RBM44: variants seen among roughly 807,000 people sequenced by gnomAD.
The protein encoded by RBM44 is RNA binding motif protein 44.
A neutral mutation model predicts 105.1 loss-of-function variants in RBM44; 66 were observed. The ratio of observed to expected loss-of-function variants is 0.63; its 90% CI spans 0.52 to 0.77. The LOEUF (loss-of-function observed/expected upper bound fraction) is 0.77, where lower values mean the gene tolerates loss of function less well. RBM44 is among the 30% of genes least tolerant of loss of function. The pLI is 0.00. For missense variants in RBM44, 1,122 were observed against 1,207.8 expected, an observed-to-expected ratio of 0.93 and a Z score of 1.05; for synonymous variants, 365 against 417.6, an observed-to-expected ratio of 0.87 and a Z score of 1.54.
Position 237,841,815 on chromosome 2 carries a change from A to G in RBM44, c.*23-24A>G, listed in dbSNP as rs1241376407. ...AAAAGATACTCAACAATCATTGTTG[A>G]TTTCTCCTTTCTTTTGATTCTAGAA... On this transcript the variant is annotated intron_variant, in intron 15 of 15. Transcript: ENST00000316997. The surrounding 1 kb of genome is among the most constrained non-coding windows in gnomAD (Gnocchi z 4.5). 6.6e-6 allele frequency: 1 copy of G among 152,148 alleles called. No homozygotes were observed. The highest frequency in any genetic ancestry group is 1.9e-4 in the East Asian group (1 of 5,202). The allele number at this position is 152,148 out of a possible 1,614,324, so 9.4% of individuals were successfully genotyped here.
rs76788892 is a variant in RBM44 at position 237,804,467 on chromosome 2, A to G, written c.-19+5606A>G. Among the ~76,000 whole-genome samples, 387 of 152,288 alleles carry G rather than the reference A, an allele frequency of 2.5e-3. 7 individuals are homozygous for G. The East Asian group carries it at 0.051, about 20-fold the overall frequency. Reference sequence around the variant, plus strand: ...GCATCTGTTGTTTTTTGACTTCTTGATAATAGCCATTCTGGCTGGTGTGAG... The same window carrying G: ...GCATCTGTTGTTTTTTGACTTCTTGGTAATAGCCATTCTGGCTGGTGTGAG... On this transcript the variant is annotated intron_variant, in intron 1 of 15. Coordinates refer to ENST00000316997, the MANE Select transcript of RBM44 (RefSeq NM_001080504.3).
chr2:237,829,509 G>A lies in RBM44; in HGVS notation c.2886+7G>A. 1 of 1,601,002 alleles carries A rather than the reference G, an allele frequency of 6.2e-7. No homozygotes were observed. The highest frequency in any genetic ancestry group is 8.5e-7 in the Non-Finnish European group (1 of 1,174,832). The stretch of plus-strand genomic sequence containing the variant: ...GGTTTTCCCTTCCGACCAGGTTAGT[G>A]TTTTTGATAGATCCCTTAAATGGTC... On this transcript the variant is annotated splice_region_variant and intron_variant, in intron 13 of 15. Transcript: ENST00000316997.
intron 13 of RBM44, among the ~76,000 whole-genome samples, chr2:237,830,981 CAAG>C (rs925665513): frequency 1.2e-4 from 18 of 151,938 alleles, no homozygotes; most frequent in Admixed American, 7.9e-4. Context: ...TAGATCAGCA[CAAG>C]AATAAATACT....
chr2:237,808,481 GA>G lies in RBM44; in HGVS notation c.-18-5098del, dbSNP rs61185065. Among the ~76,000 whole-genome samples, 246 of 125,376 alleles carry G rather than the reference GA, an allele frequency of 2.0e-3. 2 individuals carry two copies. Among genetic ancestry groups the G allele is most frequent in the East Asian group, 7.6e-3 (33 of 4,362 alleles). The allele number at this position is 125,376 out of a possible 152,430, so 82.3% of individuals were successfully genotyped here. ...CTCTCCCCCCAAAAAAAGCATAACAGAAAAAAAAAAAAACTAGGTAAAAATT... is the reference window on the plus strand; with the variant it reads ...CTCTCCCCCCAAAAAAAGCATAACAGAAAAAAAAAAAACTAGGTAAAAATT... On this transcript the variant is annotated intron_variant, in intron 1 of 15. Coordinates refer to ENST00000316997, the MANE Select transcript of RBM44 (RefSeq NM_001080504.3).
chr2:237,820,234 T>C lies in RBM44; in HGVS notation c.1796T>C (p.Ile599Thr). The change falls in exon 5 of 16, where the codon ATA (isoleucine) becomes ACA (threonine). Residue 599 changes from isoleucine (I) to threonine (T), a missense_variant. By Grantham distance (89) the Ile-to-Thr change is moderately conservative (BLOSUM62 -1). Around this residue, in one of 3 missense-constraint regions of RBM44, gnomAD observed 918 missense variants for 955.3 expected, o/e 0.96. Coordinates refer to ENST00000316997, the MANE Select transcript of RBM44 (RefSeq NM_001080504.3). ...TTGCCATCAATGTGCTGTCAGAAGA[T>C]AATGCAGAGAGCCATAAAAGCAGAG... is the stretch of plus-strand genomic sequence containing the variant. ...KDLPSMCCQK[I>T]MQRAIKAELH... is the part of the protein sequence containing the mutation. 2 of 1,590,614 alleles carry C rather than the reference T, an allele frequency of 1.3e-6. No individual in the cohort carries two copies. The highest frequency in any genetic ancestry group is 1.7e-6 in the Non-Finnish European group (2 of 1,166,824).
intron 15 of RBM44, among the ~76,000 whole-genome samples, chr2:237,840,369 A>G (rs193189330): frequency 2.0e-5 from 3 of 152,166 alleles, no homozygotes; most frequent in East Asian, 3.8e-4. Context: ...AGCCATATGC[A>G]GAAGACTGAA....
rs2061868713 is a variant in RBM44, at chr2:237,828,280, A to C, written c.2600+777A>C. Among the ~76,000 whole-genome samples the C allele has an allele frequency of 1.3e-5, 2 of 152,140 alleles. 1 individual carries two copies. The highest frequency in any genetic ancestry group is 4.8e-5 in the African/African-American group (2 of 41,458). ...AGATATAAAATTTTTATCAATTAAG[A>C]AAGGATCCTGTTTGTAGTTGGGGTT... is the stretch of plus-strand genomic sequence containing the variant. On this transcript the variant is annotated intron_variant, in intron 12 of 15. Coordinates refer to ENST00000316997, the MANE Select transcript of RBM44 (RefSeq NM_001080504.3).
At chr2:237,830,541 A>C (rs887879887) in intron 13 of RBM44, among the ~76,000 whole-genome samples, 1 of 152,162 alleles carries the variant, frequency 6.6e-6, no homozygotes, top group Admixed American at 6.5e-5. Context: ...ATCCAAGGTC[A>C]CAGAGATTTT....
Position 237,821,486 on chromosome 2 carries a change from T to C in RBM44, c.2120+118T>C, listed in dbSNP as rs980129085. On this transcript the variant is annotated intron_variant, in intron 7 of 15. Coordinates refer to ENST00000316997, the MANE Select transcript of RBM44 (RefSeq NM_001080504.3). ...AACATTGATAAATGTTTTAATGAAG[T>C]GTTTATCTTTTTTCTTGACATTTAA... The C allele has an allele frequency of 3.0e-5, 25 of 845,162 alleles. No individual in the cohort carries two copies. In the Admixed American group the frequency reaches 3.9e-4, roughly 13 times the overall value. The allele number at this position is 845,162 out of a possible 1,614,324, so 52.4% of individuals were successfully genotyped here.
chr2:237,810,038 AAG>A (rs1293193852), intron 1 of RBM44, among the ~76,000 whole-genome samples: 26 of 152,250 alleles, frequency 1.7e-4, no homozygotes, highest in African/African-American at 5.8e-4. Context: ...AAAAGGCAGA[AAG>A]AGGTGAAATT....
intron 15 of RBM44, among the ~76,000 whole-genome samples, chr2:237,837,221 G>GT (rs1225297005): frequency 6.6e-6 from 1 of 151,898 alleles, no homozygotes; most frequent in Non-Finnish European, 1.5e-5. Flanking sequence ...AATTAATGGG[G>GT]TTTTTTTTAT....
At chr2:237,804,732 C>G (rs908039738) in intron 1 of RBM44, among the ~76,000 whole-genome samples, 1 of 152,124 alleles carries the variant, frequency 6.6e-6, no homozygotes, top group Admixed American at 6.5e-5. Context: ...AAATATCTTC[C>G]CCCATTCTAT....
At chr2:237,826,388 AT>A (rs901080059) in intron 10 of RBM44, among the ~76,000 whole-genome samples, 8 of 152,080 alleles carry the variant, frequency 5.3e-5, no homozygotes, top group African/African-American at 1.9e-4. Context: ...GAATTTTGAA[AT>A]TTTTTATCAA....
rs2061746672 is a variant in RBM44, at chr2:237,818,473, GGCTTGT to G, written c.1555_1560del (p.Ala519_Cys520del). The G allele has an allele frequency of 2.5e-6, 4 of 1,612,798 alleles. No individual in the cohort carries two copies. The highest frequency in any genetic ancestry group is 1.3e-5 in the African/African-American group (1 of 74,978). Reference sequence around the variant, plus strand: ...GGCAAAATGAGAAACAAAAAAGTGTGGCTTGTAGTACAGATTGGTCATACAGTGAAG... The same window carrying G: ...GGCAAAATGAGAAACAAAAAAGTGTGAGTACAGATTGGTCATACAGTGAAG... On this transcript the variant is annotated inframe_deletion, in exon 3 of 16. Transcript: ENST00000316997. The surrounding 1 kb of genome is among the most constrained non-coding windows in gnomAD (Gnocchi z 4.6).
At chr2:237,800,784 T>TGGCATGATCTCGGCTCACTGCAAC (rs2061537665) in intron 1 of RBM44, among the ~76,000 whole-genome samples, 1 of 149,556 alleles carries the variant, frequency 6.7e-6, no homozygotes, top group Non-Finnish European at 1.5e-5. Context: ...TCGAGTGCAA[T>TGGCATGATCTCGGCTCACTGCAAC]GGCATGATCT....
intron 1 of RBM44, among the ~76,000 whole-genome samples, chr2:237,812,971 CATT>C (rs1393614435): frequency 6.6e-6 from 1 of 152,098 alleles, no homozygotes; most frequent in Non-Finnish European, 1.5e-5. Flanking sequence ...AAAAAGTCAT[CATT>C]ATTACCTTTT....
chr2:237,819,439 G>T (rs553400758), intron 4 of RBM44, among the ~76,000 whole-genome samples: 11 of 152,108 alleles, frequency 7.2e-5, no homozygotes, highest in African/African-American at 2.2e-4. Context: ...AAACAGGGAA[G>T]GTCTAAGAAG....
intron 5 of RBM44, 69 bp downstream of exon 5, chr2:237,820,420 T>A: frequency 1.1e-6 from 1 of 933,196 alleles, no homozygotes; most frequent in Non-Finnish European, 1.6e-6. Flanking sequence ...TTCTAGAGAG[T>A]TTCTCTAATT....
At chr2:237,806,883 G>A (rs759241781) in intron 1 of RBM44, among the ~76,000 whole-genome samples, 6 of 152,072 alleles carry the variant, frequency 3.9e-5, no homozygotes, top group Admixed American at 6.5e-5. Context: ...TGGGGGGTGC[G>A]GGGAGTTTAG....
Sources: allele counts gnomAD v4.1 joint callset (sites outside exome capture counted in the v4.1 genomes callset), GRCh38; gene constraint gnomAD v4.1.1; regional missense constraint gnomAD v4.1.1; non-coding constraint Gnocchi (gnomAD v3.1); transcripts MANE v1.5; gene names NCBI Gene and HGNC (gene_info 2026-07-23, HGNC 2026-07-21).